The following ADRA1B variants were observed in gnomAD, a reference collection of about 807,000 sequenced individuals.
ADRA1B encodes the protein adrenoceptor alpha 1B, also known as alpha-1B adrenergic receptor.
In ADRA1B, 17 loss-of-function variants were observed where a neutral mutation model predicts 17.9. The ratio of observed to expected loss-of-function variants is 0.95; its 90% CI spans 0.65 to 1.42. The LOEUF is 1.42. ADRA1B is among the 40% of genes most tolerant of loss of function. ADRA1B has a pLI of 0.00. For missense variants in ADRA1B, 681 were observed against 722.1 expected (o/e 0.94, Z 0.65); for synonymous variants, 366 against 327.6 (o/e 1.12, Z -1.27).
chr5:159,943,821 G>A (rs1700768621), intron 1 of ADRA1B, among the ~76,000 whole-genome samples: 1 of 151,752 alleles, frequency 6.6e-6, no homozygotes, highest in Non-Finnish European at 1.5e-5. Context: ...TTAAAATTTT[G>A]TGATGATTTC....
chr5:159,914,519 C>A (rs1561588431), upstream of ADRA1B, among the ~76,000 whole-genome samples: 1 of 152,128 alleles, frequency 6.6e-6, no homozygotes, highest in Admixed American at 6.6e-5. Context: ...CAGCTTAGGG[C>A]AATTTAATTA....
At chr5:159,891,067 C>T (rs527525378) in intron 1 of ADRA1B, among the ~76,000 whole-genome samples, 1 of 152,192 alleles carries the variant, frequency 6.6e-6, no homozygotes, top group Non-Finnish European at 1.5e-5. Flanking sequence ...CCTACCCCCC[C>T]TCTAAGATGG....
intron 1 of ADRA1B, among the ~76,000 whole-genome samples, chr5:159,953,133 G>A (rs1014185347): frequency 1.3e-5 from 2 of 152,200 alleles, no homozygotes; most frequent in African/African-American, 4.8e-5. Context: ...GGCCAAGGCA[G>A]GTGGATCACC....
intron 1 of ADRA1B, among the ~76,000 whole-genome samples, chr5:159,940,756 CA>C (rs1194296580): frequency 6.6e-6 from 1 of 152,136 alleles, no homozygotes; most frequent in Non-Finnish European, 1.5e-5. Context: ...AAGATTTTAG[CA>C]GCAATTATCT....
rs60033463 is a variant in ADRA1B, at chr5:159,971,769, G to C, written c.950-110G>C. The C allele has an allele frequency of 0.012, 14,052 of 1,181,026 alleles. 1,353 individuals carry two copies. In the African/African-American group the frequency reaches 0.2, roughly 17 times the overall value. 73.2% of individuals were successfully genotyped at this position (1,181,026 alleles called of 1,614,324 possible). On this transcript the variant is annotated intron_variant, in intron 1 of 1. Coordinates refer to ENST00000306675, the MANE Select transcript of ADRA1B (RefSeq NM_000679.4). Reference sequence around the variant, plus strand: ...AACCGGCTCGGGGAAAGGCCTGGCGGCAGGAACGCTGCAGGTTGACAATGT... The same window carrying C: ...AACCGGCTCGGGGAAAGGCCTGGCGCCAGGAACGCTGCAGGTTGACAATGT...
chr5:159,876,761 C>T (rs1293767377), intron 1 of ADRA1B, among the ~76,000 whole-genome samples: 1 of 152,178 alleles, frequency 6.6e-6, no homozygotes, highest in Admixed American at 6.5e-5. Context: ...GTGGAATCCG[C>T]CTCTGTGGGG....
chr5:159,873,143 T>C (rs978342937), intron 1 of ADRA1B, among the ~76,000 whole-genome samples: 1 of 152,222 alleles, frequency 6.6e-6, no homozygotes, highest in African/African-American at 2.4e-5. Flanking sequence ...CCATAGTGTA[T>C]ATGTGCCACA....
upstream of ADRA1B, among the ~76,000 whole-genome samples, chr5:159,914,102 C>T (rs912398391): frequency 7.2e-5 from 11 of 152,200 alleles, no homozygotes; most frequent in Non-Finnish European, 1.5e-4. Flanking sequence ...ATAGCAGGTG[C>T]CTTCGGGGGC....
chr5:159,957,929 C>CAAAAAAAAAAAAAAAAAAAAAAA (rs35956137), intron 1 of ADRA1B, among the ~76,000 whole-genome samples: 20 of 66,834 alleles, frequency 3.0e-4, no homozygotes, highest in Admixed American at 4.0e-4. Flanking sequence ...AACCCCATCT[C>CAAAAAAAAAAAAAAAAAAAAAAA]AAAAAAAAAA....
intron 1 of ADRA1B, among the ~76,000 whole-genome samples, chr5:159,945,229 A>T (rs1755236684): frequency 6.6e-6 from 1 of 152,056 alleles, no homozygotes; most frequent in Admixed American, 6.6e-5. Context: ...ACAAAAATTA[A>T]CCAGGCACAG....
intron 1 of ADRA1B, among the ~76,000 whole-genome samples, chr5:159,887,266 G>T (rs553280735): frequency 1.3e-5 from 2 of 152,176 alleles, no homozygotes; most frequent in Non-Finnish European, 2.9e-5. Flanking sequence ...TATGTTAATG[G>T]CAAACATCCA....
intron 1 of ADRA1B, among the ~76,000 whole-genome samples, chr5:159,892,031 G>C (rs1384381654): frequency 6.6e-6 from 1 of 152,222 alleles, no homozygotes; most frequent in Non-Finnish European, 1.5e-5. Context: ...GAGGTCAGGA[G>C]TTGGACATCA....
intron 1 of ADRA1B, among the ~76,000 whole-genome samples, chr5:159,893,021 G>C (rs567422255): frequency 2.0e-5 from 3 of 152,200 alleles, no homozygotes; most frequent in African/African-American, 7.2e-5. Context: ...TTTAATAATA[G>C]ACATTCTGAC....
At chr5:159,950,632 G>T in intron 1 of ADRA1B, 1 of 838,636 alleles carries the variant, frequency 1.2e-6, no homozygotes, top group Non-Finnish European at 2.1e-6. Flanking sequence ...GGAGGAGTGG[G>T]TGTCTCTGTT....
At chr5:159,943,009 C>T (rs1012108456) in intron 1 of ADRA1B, among the ~76,000 whole-genome samples, 1 of 151,998 alleles carries the variant, frequency 6.6e-6, no homozygotes, top group African/African-American at 2.4e-5. Flanking sequence ...GTCAGGAGTT[C>T]GAGACCAGTC....
intron 1 of ADRA1B, among the ~76,000 whole-genome samples, chr5:159,930,201 T>A (rs1754762809): frequency 6.6e-6 from 1 of 152,278 alleles, no homozygotes; most frequent in Non-Finnish European, 1.5e-5. Context: ...CTTGTATATA[T>A]GTCTGTGCCC....
In ADRA1B at chr5:159,909,832, G is replaced by A. The variant is rs559318663; in HGVS notation, c.-255-6287G>A. Among the ~76,000 whole-genome samples the A allele has an allele frequency of 5.3e-5, 8 of 152,282 alleles. No homozygotes were observed. The East Asian group carries it at 1.2e-3, about 22-fold the overall frequency. On this transcript the variant is annotated intron_variant, in intron 1 of 2. Transcript: ENST00000641205. ...CAAACAAAAATAAAAGCAACAAAAT[G>A]GAAATCAATTGATCAAGGGGCCCTG...
intron 1 of ADRA1B, 124 bp from the exon 2 acceptor site, chr5:159,971,755 G>A: frequency 9.4e-7 from 1 of 1,064,612 alleles, no homozygotes; most frequent in Non-Finnish European, 1.2e-6. Context: ...ACCGGCTCGG[G>A]GAAAGGCCTG....
At chr5:159,912,746 A>G (rs748980244), upstream of ADRA1B, among the ~76,000 whole-genome samples, 3 of 152,234 alleles carry the variant, frequency 2.0e-5, no homozygotes, top group Non-Finnish European at 4.4e-5. Context: ...CATTTGTAAA[A>G]TGGAGAGAAT....
Sources: gnomAD v4.1 joint callset for allele counts (sites outside exome capture counted in the v4.1 genomes callset) on GRCh38, gnomAD v4.1.1 for gene constraint, MANE v1.5 for transcripts, NCBI Gene and HGNC (gene_info 2026-07-23, HGNC 2026-07-21) for gene names.